PVT1: variants seen among roughly 807,000 people sequenced by gnomAD.
PVT1 encodes the protein Pvt1 oncogene.
intron 2 of PVT1, among the ~76,000 whole-genome samples, chr8:127,827,334 C>T (rs1402255027): frequency 1.3e-5 from 2 of 150,692 alleles, no homozygotes; most frequent in Admixed American, 6.6e-5. Context: ...GGACTGTCTG[C>T]TGTCTCTTGC....
intron 4 of PVT1, among the ~76,000 whole-genome samples, chr8:128,017,264 G>A (rs1207733273): frequency 6.6e-6 from 1 of 151,990 alleles, no homozygotes; most frequent in East Asian, 1.9e-4. Context: ...GCCTCTGAAT[G>A]TCTCCATGTC....
chr8:127,928,544 G>C (rs1816160330), intron 3 of PVT1, among the ~76,000 whole-genome samples: 1 of 152,248 alleles, frequency 6.6e-6, no homozygotes, highest in Admixed American at 6.5e-5. Context: ...TCTTGTCCCT[G>C]AAAATTGGGA....
chr8:127,900,997 G>A (rs1447497323), intron 3 of PVT1, among the ~76,000 whole-genome samples: 1 of 152,226 alleles, frequency 6.6e-6, no homozygotes, highest in Non-Finnish European at 1.5e-5. Context: ...GAGTCTGGGT[G>A]TGGAAGGAGC....
intron 4 of PVT1, among the ~76,000 whole-genome samples, chr8:128,067,331 G>A (rs986625357): frequency 6.6e-6 from 1 of 152,122 alleles, no homozygotes; most frequent in Non-Finnish European, 1.5e-5. Flanking sequence ...AGAGTAGAAG[G>A]GGAAAACTGA....
intron 3 of PVT1, among the ~76,000 whole-genome samples, chr8:127,906,088 C>G (rs1815816308): frequency 6.6e-6 from 1 of 152,208 alleles, no homozygotes; most frequent in Non-Finnish European, 1.5e-5. Flanking sequence ...GGGTTAGGAA[C>G]TTGCAGATGG....
intron 3 of PVT1, among the ~76,000 whole-genome samples, chr8:127,970,595 A>G (rs6981693): frequency 0.63 from 95,751 of 151,818 alleles, 30,510 homozygotes; most frequent in South Asian, 0.8. Flanking sequence ...AACCACGCCC[A>G]GCCGACTTGT....
chr8:127,978,772 C>G (rs576468333), intron 3 of PVT1, among the ~76,000 whole-genome samples: 1 of 152,236 alleles, frequency 6.6e-6, no homozygotes, highest in Admixed American at 6.5e-5. Context: ...AGGTGTGAAT[C>G]ACCGCACCCG....
At chr8:127,901,247 G>A (rs939529907) in intron 3 of PVT1, among the ~76,000 whole-genome samples, 2 of 152,210 alleles carry the variant, frequency 1.3e-5, no homozygotes, top group African/African-American at 2.4e-5. Flanking sequence ...TTGCTGCAGA[G>A]GGCTGCTGGA....
chr8:127,916,463 G>T (rs1815986471), intron 3 of PVT1, among the ~76,000 whole-genome samples: 1 of 152,168 alleles, frequency 6.6e-6, no homozygotes, highest in South Asian at 2.1e-4. Context: ...GCCTGGTCAG[G>T]ATTTAGATTT....
At chr8:128,095,062 CTT>C (rs751813199) in intron 5 of PVT1, among the ~76,000 whole-genome samples, 44 of 152,188 alleles carry the variant, frequency 2.9e-4, no homozygotes, top group Non-Finnish European at 5.1e-4. Context: ...CGTTTTAAAA[CTT>C]GGGCTGCTGT....
At chr8:127,887,803 C>T (rs563887855) in intron 2 of PVT1, among the ~76,000 whole-genome samples, 102 of 151,930 alleles carry the variant, frequency 6.7e-4, no homozygotes, top group Non-Finnish European at 1.0e-3. Context: ...CTGGGATTTA[C>T]AGGCATGAGC....
At chr8:127,942,788 G>T (rs1816368318) in intron 3 of PVT1, among the ~76,000 whole-genome samples, 1 of 152,212 alleles carries the variant, frequency 6.6e-6, no homozygotes, top group South Asian at 2.1e-4. Context: ...CCTCCTTGAA[G>T]CTGCGCATCG....
At chr8:127,949,379 C>CTGTGTGTGTG (rs61425056) in intron 3 of PVT1, among the ~76,000 whole-genome samples, 14,002 of 111,134 alleles carry the variant, frequency 0.13, 1,303 homozygotes, top group Non-Finnish European at 0.15. Flanking sequence ...ACTCCAGGAG[C>CTGTGTGTGTG]TGTGTGTGTG....
intron 4 of PVT1, among the ~76,000 whole-genome samples, chr8:128,059,649 A>G (rs192627276): frequency 6.6e-6 from 1 of 152,350 alleles, no homozygotes; most frequent in Non-Finnish European, 1.5e-5. Flanking sequence ...GTGGCCTCAC[A>G]ATGCCCAGGA....
chr8:127,975,035 A>G (rs1816807164), intron 3 of PVT1, among the ~76,000 whole-genome samples: 1 of 152,224 alleles, frequency 6.6e-6, no homozygotes, highest in Non-Finnish European at 1.5e-5. Context: ...TGCTTCATCA[A>G]GTGGACAAGT....
intron 4 of PVT1, among the ~76,000 whole-genome samples, chr8:128,016,528 C>T (rs1586482640): frequency 1.3e-5 from 2 of 151,910 alleles, no homozygotes; most frequent in South Asian, 4.2e-4. Flanking sequence ...GGATAGATCT[C>T]CACCATGAAT....
Position 128,078,193 on chromosome 8 carries a change from A to T in PVT1, n.1114+7832A>T, listed in dbSNP as rs117312446. The stretch of plus-strand genomic sequence containing the variant: ...AGGAGAGTAGAGTGGCAGTTCTTAA[A>T]GGCCAGAGATAACATTTAATCATGT... On this transcript the variant is annotated intron_variant and non_coding_transcript_variant, in intron 5 of 10. Transcript: ENST00000651587. Among the ~76,000 whole-genome samples, 410 of 152,350 alleles carry T rather than the reference A, an allele frequency of 2.7e-3. 12 individuals are homozygous for T. In the East Asian group the frequency reaches 0.065, roughly 24 times the overall value.
intron 2 of PVT1, among the ~76,000 whole-genome samples, chr8:127,831,617 A>G (rs981592224): frequency 3.3e-5 from 5 of 152,176 alleles, no homozygotes; most frequent in Admixed American, 6.6e-5. Context: ...TGGTAGGGGT[A>G]GAAGTTGGGG....
At chr8:127,951,963 A>C (rs904977973) in intron 3 of PVT1, among the ~76,000 whole-genome samples, 1 of 151,826 alleles carries the variant, frequency 6.6e-6, no homozygotes, top group Non-Finnish European at 1.5e-5. Flanking sequence ...TTACAGGTAT[A>C]TGCCACCACG....
Sources: allele counts gnomAD v4.1 joint callset (sites outside exome capture counted in the v4.1 genomes callset), GRCh38; gene constraint gnomAD v4.1.1; transcripts MANE v1.5; gene names NCBI Gene and HGNC (gene_info 2026-07-23, HGNC 2026-07-21).